The following MEGF10 variants were observed in gnomAD, a reference collection of about 807,000 sequenced individuals.
MEGF10 encodes the protein multiple EGF like domains 10.
Under a neutral mutation model 147.5 loss-of-function variants are expected in MEGF10, and 86 were observed. The observed-to-expected ratio is 0.58, with a 90% CI of 0.49 to 0.70. The LOEUF (loss-of-function observed/expected upper bound fraction) is 0.70. MEGF10 is among the 30% of genes least tolerant of loss of function. The probability of loss-of-function intolerance (pLI) is 0.00; values close to 1 mark genes in which losing one functional copy is unlikely to be tolerated. For synonymous variants in MEGF10, 478 were observed against 525.5 expected, an observed-to-expected ratio of 0.91 and a Z score of 1.24; for missense variants, 1,329 against 1,487.3, an observed-to-expected ratio of 0.89 and a Z score of 1.75.
intron 4 of MEGF10, among the ~76,000 whole-genome samples, chr5:127,359,053 G>GTT (rs199971770): frequency 2.7e-5 from 4 of 146,494 alleles, no homozygotes; most frequent in Admixed American, 6.7e-5. Flanking sequence ...AACACAAGCT[G>GTT]TTTTGTTTTT....
chr5:127,275,931 G>A, the MEGF10 span, among the ~76,000 whole-genome samples: 5 of 152,244 alleles, frequency 3.3e-5, no homozygotes, highest in South Asian at 2.1e-4. Flanking sequence ...TCACCAATTG[G>A]TTAGAATTCA....
At chr5:127,391,359 T>C (rs1243434773) in intron 5 of MEGF10, among the ~76,000 whole-genome samples, 2 of 151,964 alleles carry the variant, frequency 1.3e-5, no homozygotes, top group African/African-American at 4.8e-5. Context: ...GCAGATAGCT[T>C]GAGCTCAGGA....
chr5:127,311,971 T>C (rs1002029272), intron 1 of MEGF10, among the ~76,000 whole-genome samples: 15 of 152,124 alleles, frequency 9.9e-5, no homozygotes, highest in African/African-American at 3.6e-4. Flanking sequence ...CTTTAAAAAG[T>C]CATAATTACC....
intron 7 of MEGF10, among the ~76,000 whole-genome samples, chr5:127,401,983 G>A (rs1764151547): frequency 6.6e-6 from 1 of 152,204 alleles, no homozygotes; most frequent in African/African-American, 2.4e-5. Flanking sequence ...GTTCGTTCCT[G>A]TAGAAGTCTG....
At chr5:127,351,077 G>C (rs745735334) in intron 4 of MEGF10, among the ~76,000 whole-genome samples, 5 of 152,076 alleles carry the variant, frequency 3.3e-5, no homozygotes, top group Non-Finnish European at 4.4e-5. Flanking sequence ...TCTAGTGTTT[G>C]ATAGCACAAC....
At chr5:127,308,162 G>GT (rs1445806260) in intron 1 of MEGF10, among the ~76,000 whole-genome samples, 7 of 152,170 alleles carry the variant, frequency 4.6e-5, no homozygotes, top group Non-Finnish European at 8.8e-5. Context: ...AAAAAGCATT[G>GT]TTTTTTGTAA....
the MEGF10 span, among the ~76,000 whole-genome samples, chr5:127,268,085 CT>C: frequency 3.3e-5 from 5 of 152,302 alleles, no homozygotes; most frequent in African/African-American, 1.2e-4. Context: ...CTACACACTA[CT>C]TTAAATGTGT....
intron 1 of MEGF10, among the ~76,000 whole-genome samples, chr5:127,306,762 G>A (rs1760031230): frequency 6.6e-6 from 1 of 152,224 alleles, no homozygotes; most frequent in Non-Finnish European, 1.5e-5. Flanking sequence ...AGGCGAAGCG[G>A]AGCTACCTAA....
At chr5:127,257,260 A>G in the MEGF10 span, among the ~76,000 whole-genome samples, 7,019 of 150,030 alleles carry the variant, frequency 0.047, 273 homozygotes, top group African/African-American at 0.1. Flanking sequence ...TGGCTATTTG[A>G]TGAGATTCCT....
At chr5:127,246,095 C>T in the MEGF10 span, among the ~76,000 whole-genome samples, 5 of 152,096 alleles carry the variant, frequency 3.3e-5, no homozygotes, top group African/African-American at 1.2e-4. Flanking sequence ...CCCAGCAATC[C>T]CATTACTGGG....
At chr5:127,354,148 G>T (rs1762191583) in intron 4 of MEGF10, among the ~76,000 whole-genome samples, 3 of 152,128 alleles carry the variant, frequency 2.0e-5, no homozygotes, top group Admixed American at 2.0e-4. Flanking sequence ...AACTGTGGTT[G>T]GTGTCTATAT....
At chr5:127,396,238 C>T (rs1165727367) in intron 5 of MEGF10, among the ~76,000 whole-genome samples, 1 of 152,218 alleles carries the variant, frequency 6.6e-6, no homozygotes, top group East Asian at 1.9e-4. Context: ...TCTCTAGCCA[C>T]ATCAAACTCC....
intron 5 of MEGF10, among the ~76,000 whole-genome samples, chr5:127,389,543 G>C (rs1229763580): frequency 6.6e-6 from 1 of 152,148 alleles, no homozygotes; most frequent in East Asian, 1.9e-4. Flanking sequence ...ATGGCAGATT[G>C]GATAAAGAAA....
At chr5:127,373,134 A>G (rs1226124005) in intron 5 of MEGF10, among the ~76,000 whole-genome samples, 2 of 152,096 alleles carry the variant, frequency 1.3e-5, no homozygotes, top group Non-Finnish European at 2.9e-5. Flanking sequence ...AGGTCATTCC[A>G]GCTTTGGCCA....
chr5:127,359,603 A>G (rs752139091), intron 4 of MEGF10, among the ~76,000 whole-genome samples: 4 of 152,058 alleles, frequency 2.6e-5, no homozygotes, highest in Non-Finnish European at 5.9e-5. Flanking sequence ...CGTATTTTCT[A>G]GAGCTTTATA....
Position 127,331,381 on chromosome 5 carries a change from C to G in MEGF10, c.73C>G (p.Pro25Ala). ...ATGCCACTGGATTGGGACAGCATCA[C>G]CTCTGAATCTTGAAGACCCTAATGT... ...LLCHWIGTAS[P>A]LNLEDPNVCS... Residue 25 changes from proline to alanine, a missense_variant, in exon 2 of 25, where the codon CCT becomes GCT. Physicochemically the swap from Pro to Ala is conservative, Grantham distance 27. Coordinates refer to ENST00000503335, the MANE Select transcript of MEGF10 (RefSeq NM_001256545.2). 1.9e-6 allele frequency: 3 copies of G among 1,613,086 alleles called. No individual in the cohort carries two copies. Among genetic ancestry groups the G allele is most frequent in the Middle Eastern group, 1.7e-4 (1 of 6,056 alleles).
chr5:127,367,948 A>C (rs898443375), intron 4 of MEGF10, among the ~76,000 whole-genome samples: 2 of 152,210 alleles, frequency 1.3e-5, no homozygotes, highest in Admixed American at 6.5e-5. Flanking sequence ...CATACCCTGC[A>C]CTGTTAGACC....
At chr5:127,349,319 T>C (rs1205832685) in intron 4 of MEGF10, among the ~76,000 whole-genome samples, 1 of 152,192 alleles carries the variant, frequency 6.6e-6, no homozygotes, top group Non-Finnish European at 1.5e-5. Flanking sequence ...CTTCAATTCA[T>C]TGAATTTCTT....
rs367716553 is a variant in MEGF10, at chr5:127,318,729, G to A, written c.-18-12562G>A. ...AGATCAAACGTAATTGGCTGAGAATGAGGGGAGGAAAAACTAAAATGCTGG... is the reference window on the plus strand; with the variant it reads ...AGATCAAACGTAATTGGCTGAGAATAAGGGGAGGAAAAACTAAAATGCTGG... On this transcript the variant is annotated intron_variant, in intron 1 of 24. Transcript: ENST00000503335. Among the ~76,000 whole-genome samples, 14 of 152,278 alleles carry A rather than the reference G, an allele frequency of 9.2e-5. No homozygotes were observed. In the East Asian group the frequency reaches 9.6e-4, roughly 10 times the overall value.
Sources: allele counts gnomAD v4.1 joint callset (sites outside exome capture counted in the v4.1 genomes callset), GRCh38; gene constraint gnomAD v4.1.1; transcripts MANE v1.5; gene names NCBI Gene and HGNC (gene_info 2026-07-23, HGNC 2026-07-21).